The following TUBA3C variants were observed in gnomAD, a reference collection of about 807,000 sequenced individuals.
The protein encoded by TUBA3C is tubulin alpha-3C chain.
In TUBA3C, 23 loss-of-function variants were observed where a neutral mutation model predicts 33.4. The observed-to-expected ratio is 0.69, with a 90% CI of 0.50 to 0.98. The LOEUF is 0.98. Ranked by LOEUF, TUBA3C falls within the 50% of genes least tolerant of loss-of-function variation. TUBA3C has a pLI of 0.00. For missense variants in TUBA3C, 402 were observed against 616.0 expected (o/e 0.65, Z 3.68); for synonymous variants, 269 against 250.4 (o/e 1.07, Z -0.70).
Position 19,181,772 on chromosome 13 carries a change from C to T in TUBA3C, c.-25G>A. On this transcript the variant is annotated 5_prime_UTR_variant, in exon 1 of 5. Coordinates refer to ENST00000400113, the MANE Select transcript of TUBA3C (RefSeq NM_006001.3). ...TGTTGAGCTCCTCCGCTGCCGCAGC[C>T]CAACGCTACTACTTGACCTCAACCG... 6.2e-7 allele frequency: 1 copy of T among 1,601,834 alleles called. No individual in the cohort carries two copies. The highest frequency in any genetic ancestry group is 8.5e-7 in the Non-Finnish European group (1 of 1,179,432).
At chr13:19,180,113 T>A (rs953482178) in intron 1 of TUBA3C, among the ~76,000 whole-genome samples, 3 of 152,108 alleles carry the variant, frequency 2.0e-5, no homozygotes, top group Non-Finnish European at 4.4e-5. Context: ...GCTCTCTGGC[T>A]TCGTGCTGGT....
chr13:19,180,714 C>T (rs1869378015), intron 1 of TUBA3C, among the ~76,000 whole-genome samples: 1 of 152,002 alleles, frequency 6.6e-6, no homozygotes, highest in Non-Finnish European at 1.5e-5. Flanking sequence ...CCAGGATGGT[C>T]TCGATCTCCT....
intron 4 of TUBA3C, among the ~76,000 whole-genome samples, chr13:19,176,032 C>T (rs1428850711): frequency 6.6e-6 from 1 of 152,218 alleles, no homozygotes; most frequent in East Asian, 1.9e-4. Flanking sequence ...CATGGGCCAC[C>T]ATGCCCATCC....
rs533326098 is a variant in TUBA3C at position 19,175,554 on chromosome 13, T to C, written c.1056+1373A>G. Among the ~76,000 whole-genome samples, 6 of 152,278 alleles carry C rather than the reference T, an allele frequency of 3.9e-5. No individual in the cohort carries two copies. The South Asian group carries it at 1.2e-3, about 32-fold the overall frequency. The stretch of plus-strand genomic sequence containing the variant: ...GTCAGTTCTGACTGGGATTTCCTAC[T>C]GTGGGTGTCTCTTCTTCTCCTTCAG... On this transcript the variant is annotated intron_variant, in intron 4 of 4. Transcript: ENST00000400113.
At chr13:19,181,523 G>A (rs1869417235) in intron 1 of TUBA3C, among the ~76,000 whole-genome samples, 1 of 152,134 alleles carries the variant, frequency 6.6e-6, no homozygotes, top group Non-Finnish European at 1.5e-5. Context: ...CTCAAGGCCG[G>A]CAGCTTCGTC....
At chr13:19,179,615 C>T in intron 1 of TUBA3C, 52 bp from the exon 2 acceptor site, 1 of 1,573,154 alleles carries the variant, frequency 6.4e-7, no homozygotes, top group Non-Finnish European at 8.6e-7. Flanking sequence ...CAACTTGAAG[C>T]TATATGGTAT....
At chr13:19,181,564 G>A (rs1457515701) in intron 1 of TUBA3C, among the ~76,000 whole-genome samples, 181 bp downstream of exon 1, 4 of 152,170 alleles carry the variant, frequency 2.6e-5, no homozygotes, top group African/African-American at 7.2e-5. Context: ...CTGCCCTGGA[G>A]CCCGCAGACC....
At position 19,177,197 on chromosome 13, in the gene TUBA3C, G is replaced by A. The variant is rs1869223500; in HGVS notation, c.786C>T (p.Tyr262=). Residue 262 remains tyrosine, a synonymous_variant, in exon 4 of 5, where the codon TAC becomes TAT. Coordinates refer to ENST00000400113, the MANE Select transcript of TUBA3C (RefSeq NM_006001.3). The surrounding 1 kb of genome is among the most constrained non-coding windows in gnomAD (Gnocchi z 5.0). ...LTEFQTNLVP[Y]PRIHFPLATY... Reference sequence around the variant, plus strand: ...TGGCCAGGGGGAAGTGGATGCGGGGGTACGGCACTAGGTTGGTCTGGAATT... The same window carrying A: ...TGGCCAGGGGGAAGTGGATGCGGGGATACGGCACTAGGTTGGTCTGGAATT... 2.5e-6 allele frequency: 4 copies of A among 1,614,120 alleles called. No individual in the cohort carries two copies. Among genetic ancestry groups the A allele is most frequent in the Non-Finnish European group, 3.4e-6 (4 of 1,180,032 alleles).
Position 19,179,318 on chromosome 13 carries a change from C to T in TUBA3C, c.226+23G>A, listed in dbSNP as rs1397484725. On this transcript the variant is annotated intron_variant, in intron 2 of 4. Coordinates refer to ENST00000400113, the MANE Select transcript of TUBA3C (RefSeq NM_006001.3). Reference sequence around the variant, plus strand: ...CTCTCCCACCCTCCTAAGAAAGCTGCCATCCAGGACCCGAGCACCTACCGA... The same window carrying T: ...CTCTCCCACCCTCCTAAGAAAGCTGTCATCCAGGACCCGAGCACCTACCGA... The T allele has an allele frequency of 3.7e-6, 6 of 1,612,700 alleles. No individual in the cohort carries two copies. The African/African-American group carries it at 8.0e-5, about 22-fold the overall frequency.
At chr13:19,180,302 C>A (rs560745327) in intron 1 of TUBA3C, among the ~76,000 whole-genome samples, 8 of 152,224 alleles carry the variant, frequency 5.3e-5, no homozygotes, top group African/African-American at 1.9e-4. Flanking sequence ...TTCGTAAGCA[C>A]TCCCTCCCCT....
Position 19,173,858 on chromosome 13 carries a change from T to G in TUBA3C, c.*5A>C, listed in dbSNP as rs762518780. The stretch of plus-strand genomic sequence containing the variant: ...GTGGAGTGGAGAACCCACCACACCC[T>G]CCCCTCAGTATTCTTCACCTTCTTC... On this transcript the variant is annotated 3_prime_UTR_variant, in exon 5 of 5. Coordinates refer to ENST00000400113, the MANE Select transcript of TUBA3C (RefSeq NM_006001.3). 1.3e-6 allele frequency: 2 copies of G among 1,588,236 alleles called. No homozygotes were observed. The highest frequency in any genetic ancestry group is 3.4e-5 in the Admixed American group (2 of 59,644).
intron 1 of TUBA3C, among the ~76,000 whole-genome samples, chr13:19,180,085 G>C (rs1869349439): frequency 1.3e-5 from 2 of 152,056 alleles, no homozygotes; most frequent in Admixed American, 1.3e-4. Context: ...CATGAGGACA[G>C]CATCAGAGGC....
intron 3 of TUBA3C, 31 bp downstream of exon 3, chr13:19,178,215 A>T: frequency 6.2e-7 from 1 of 1,613,308 alleles, no homozygotes; most frequent in African/African-American, 1.3e-5. Flanking sequence ...CCTGTGCAGG[A>T]CAATGGTCAC....
rs36214101 is a variant in TUBA3C at position 19,181,611 on chromosome 13, GC to G, written c.3+133del. ...GCCGTGTCCTCGTGTCCCGCCCTGG[GC>G]CCCGCATCCTTCTCTGACCTCCTTT... is the stretch of plus-strand genomic sequence containing the variant. On this transcript the variant is annotated intron_variant, in intron 1 of 4. Coordinates refer to ENST00000400113, the MANE Select transcript of TUBA3C (RefSeq NM_006001.3). 4,141 of 1,290,548 alleles carry G rather than the reference GC, an allele frequency of 3.2e-3. 103 individuals are homozygous for G. In the African/African-American group the frequency reaches 0.052, roughly 16 times the overall value. 79.9% of individuals were successfully genotyped at this position (1,290,548 alleles called of 1,614,324 possible).
intron 3 of TUBA3C, 64 bp downstream of exon 3, chr13:19,178,182 C>A: frequency 6.3e-7 from 1 of 1,593,248 alleles, no homozygotes; most frequent in Non-Finnish European, 8.6e-7. Context: ...ATGACCTCCC[C>A]TTCACAATCT....
chr13:19,177,660 C>A lies in TUBA3C; in HGVS notation c.376-53G>T. 1 of 1,525,274 alleles carries A rather than the reference C, an allele frequency of 6.6e-7. No homozygotes were observed. Among genetic ancestry groups the A allele is most frequent in the South Asian group, 1.3e-5 (1 of 75,052 alleles). The allele number at this position is 1,525,274 out of a possible 1,614,324, so 94.5% of individuals were successfully genotyped here. A position where few individuals can be genotyped will look rare whatever the true frequency, so the allele number is the denominator to read the frequency against. ...ATGCCCGTGGAAGCCACACCACCAACCTCCACCAAGCCAGGGCCACTTCTC... is the reference window on the plus strand; with the variant it reads ...ATGCCCGTGGAAGCCACACCACCAAACTCCACCAAGCCAGGGCCACTTCTC... On this transcript the variant is annotated intron_variant, in intron 3 of 4. Coordinates refer to ENST00000400113, the MANE Select transcript of TUBA3C (RefSeq NM_006001.3). This position sits in a 1 kb window ranked among gnomAD's most constrained non-coding sequence, Gnocchi z 5.0.
In TUBA3C at chr13:19,179,516, G is replaced by A. The variant is rs747717029; in HGVS notation, c.51C>T (p.Gly17=). The A allele has an allele frequency of 4.3e-6, 7 of 1,614,216 alleles. No homozygotes were observed. The highest frequency in any genetic ancestry group is 2.2e-5 in the East Asian group (1 of 44,886). Reference sequence around the variant, plus strand: ...GGCAGTACAGTTCCCAGCAGGCATTGCCGATCTGGACTCCTGCCTGCCCCA... The same window carrying A: ...GGCAGTACAGTTCCCAGCAGGCATTACCGATCTGGACTCCTGCCTGCCCCA... The part of the protein sequence containing the change: ...IHVGQAGVQI[G]NACWELYCLE... Residue 17 remains glycine (G), a synonymous_variant, in exon 2 of 5, where the codon GGC becomes GGT. Transcript: ENST00000400113.
chr13:19,177,311 G>A lies in TUBA3C; in HGVS notation c.672C>T (p.Tyr224=), dbSNP rs759111740. The change falls in exon 4 of 5, where the codon TAC becomes TAT. Residue 224 remains tyrosine, a synonymous_variant. Transcript: ENST00000400113. The surrounding 1 kb of genome is among the most constrained non-coding windows in gnomAD (Gnocchi z 5.0). ...RRNLDIERPT[Y]TNLNRLIGQI... is the part of the protein sequence containing the mutation. The stretch of plus-strand genomic sequence containing the variant: ...GCCCAATCAGGCGATTGAGGTTGGT[G>A]TACGTGGGACGCTCGATGTCCAGGT... 1 of 1,614,176 alleles carries A rather than the reference G, an allele frequency of 6.2e-7. No individual in the cohort carries two copies. Among genetic ancestry groups the A allele is most frequent in the Non-Finnish European group, 8.5e-7 (1 of 1,180,040 alleles).
intron 1 of TUBA3C, 63 bp downstream of exon 1, chr13:19,181,682 G>A (rs912926701): frequency 1.7e-4 from 270 of 1,599,872 alleles, no homozygotes; most frequent in Non-Finnish European, 2.2e-4. Flanking sequence ...AGCCACCTCA[G>A]GAGGCCAACT....
Sources: allele counts gnomAD v4.1 joint callset (sites outside exome capture counted in the v4.1 genomes callset), GRCh38; gene constraint gnomAD v4.1.1; non-coding constraint Gnocchi (gnomAD v3.1); transcripts MANE v1.5; gene names NCBI Gene and HGNC (gene_info 2026-07-23, HGNC 2026-07-21).